EFHB: variants seen among roughly 807,000 people sequenced by gnomAD.
EFHB encodes the protein EF-hand domain family member B, also known as EF-hand domain-containing family member B.
A neutral mutation model predicts 87.2 loss-of-function variants in EFHB; 91 were observed. That is an observed-to-expected ratio of 1.04 (90% confidence interval 0.88 to 1.24). The LOEUF is 1.24. Ranked by LOEUF, EFHB falls within the 50% of genes most tolerant of loss-of-function variation. The pLI is 0.00. For missense variants in EFHB, 1,084 were observed against 998.8 expected (o/e 1.09, Z -1.15); for synonymous variants, 325 against 333.6 (o/e 0.97, Z 0.28).
chr3:19,924,214 C>G (rs1349248619), intron 1 of EFHB, among the ~76,000 whole-genome samples: 1 of 150,716 alleles, frequency 6.6e-6, no homozygotes, highest in Admixed American at 6.6e-5. Context: ...CTCTCTCTCT[C>G]TCTTTTTTTT....
At chr3:19,897,899 C>T (rs1694541581) in intron 8 of EFHB, among the ~76,000 whole-genome samples, 1 of 152,216 alleles carries the variant, frequency 6.6e-6, no homozygotes, top group African/African-American at 2.4e-5. Context: ...AATATTTATT[C>T]TACCTGTCAA....
intron 12 of EFHB, among the ~76,000 whole-genome samples, chr3:19,882,055 A>ATAATTAAATAAT (rs61166173): frequency 1.5e-3 from 217 of 140,194 alleles, no homozygotes; most frequent in Admixed American, 3.2e-3. Flanking sequence ...AAATAAATAA[A>ATAATTAAATAAT]TAAATAATTA....
In EFHB at chr3:19,910,388, TG is replaced by T. The variant is rs1481903931; in HGVS notation, c.1289-4640del. Among the ~76,000 whole-genome samples, 7 of 150,988 alleles carry T rather than the reference TG, an allele frequency of 4.6e-5. No homozygotes were observed. The East Asian group carries it at 1.4e-3, about 30-fold the overall frequency. ...TGTCTTTGGGAGGGGGAGGGAAGAG[TG>T]GGAAAGACTGTATCTTGTGGTTTGA... On this transcript the variant is annotated intron_variant, in intron 5 of 12. Transcript: ENST00000295824.
In EFHB at chr3:19,924,216, CT is replaced by C. The variant is rs1281280539; in HGVS notation, c.790-3650del. Among the ~76,000 whole-genome samples, 352 of 141,332 alleles carry C rather than the reference CT, an allele frequency of 2.5e-3. 2 individuals are homozygous for C. Among genetic ancestry groups the C allele is most frequent in the South Asian group, 5.2e-3 (23 of 4,454 alleles). The allele number at this position is 141,332 out of a possible 152,430, so 92.7% of individuals were successfully genotyped here. On this transcript the variant is annotated intron_variant, in intron 1 of 12. Coordinates refer to ENST00000295824, the MANE Select transcript of EFHB (RefSeq NM_144715.4). ...GAAGTTTTCTTTTCTCTCTCTCTCT[CT>C]TTTTTTTTTTTTTTGAGACAGAGTC...
At chr3:19,895,685 G>A (rs1317407235) in intron 9 of EFHB, among the ~76,000 whole-genome samples, 1 of 152,082 alleles carries the variant, frequency 6.6e-6, no homozygotes, top group Non-Finnish European at 1.5e-5. Context: ...AAAAAGGTGT[G>A]CATAATCAAT....
chr3:19,892,676 G>A (rs1251683457), intron 9 of EFHB, among the ~76,000 whole-genome samples: 2 of 152,078 alleles, frequency 1.3e-5, no homozygotes, highest in Admixed American at 1.3e-4. Context: ...ATAACCACTT[G>A]GTTGAGTATA....
rs898111938 is a variant in EFHB, at chr3:19,905,697, C to T, written c.1341G>A (p.Val447=). Residue 447 remains valine (V), a synonymous_variant, in exon 6 of 13, where the codon GTG becomes GTA. Coordinates refer to ENST00000295824, the MANE Select transcript of EFHB (RefSeq NM_144715.4). ...YNPSSFHRCS[V]YGVPTPHFND... is the part of the protein sequence containing the mutation. ...TAAAATGTGGTGTTGGTACTCCATA[C>T]ACACTACACCTATGGAAACTTGATG... The T allele has an allele frequency of 1.9e-6, 3 of 1,613,562 alleles. No homozygotes were observed. Among genetic ancestry groups the T allele is most frequent in the Non-Finnish European group, 2.5e-6 (3 of 1,179,584 alleles).
chr3:19,911,761 A>C (rs1207583673), intron 5 of EFHB, among the ~76,000 whole-genome samples: 1 of 151,956 alleles, frequency 6.6e-6, no homozygotes, highest in Admixed American at 6.6e-5. Flanking sequence ...AAAAATTTAA[A>C]GAATGAAGTA....
At chr3:19,935,990 CAGAGTG>C (rs1696005559), upstream of EFHB, 9 of 681,136 alleles carry the variant, frequency 1.3e-5, no homozygotes, top group Admixed American at 9.4e-5. Context: ...AGCCTGGCGA[CAGAGTG>C]AGACTCCATC....
At chr3:19,899,395 A>C in intron 7 of EFHB, 37 bp downstream of exon 7, 2 of 1,482,818 alleles carry the variant, frequency 1.3e-6, no homozygotes, top group East Asian at 4.7e-5. Context: ...AATTCTATGC[A>C]AAGAAACTAT....
chr3:19,931,300 G>C (rs3849533), intron 1 of EFHB, among the ~76,000 whole-genome samples: 1,704 of 152,224 alleles, frequency 0.011, 27 homozygotes, highest in African/African-American at 0.039. Flanking sequence ...TCTCTTTCTT[G>C]TCCTATCACA....
chr3:19,917,151 A>G (rs534127350), intron 4 of EFHB, among the ~76,000 whole-genome samples: 4 of 151,790 alleles, frequency 2.6e-5, no homozygotes, highest in Admixed American at 2.6e-4. Context: ...TGGGAGAATC[A>G]TTTGAGTCCA....
rs1695907302 is a variant in EFHB, at chr3:19,933,543, C to T, written c.476G>A (p.Gly159Glu). 4 of 1,613,990 alleles carry T rather than the reference C, an allele frequency of 2.5e-6. No homozygotes were observed. The highest frequency in any genetic ancestry group is 4.5e-5 in the East Asian group (2 of 44,882). Residue 159 changes from glycine to glutamate, a missense_variant, in exon 1 of 13, where the codon GGA becomes GAA. Gly to Glu is a moderately conservative substitution (Grantham distance 98). Transcript: ENST00000295824. ...SGPEGVEELV[G>E]KPAFVMEPRQ... ...TGGTTCCATAACGAAAGCAGGCTTTCCCACTAATTCCTCTACCCCTTCAGG... is the reference window on the plus strand; with the variant it reads ...TGGTTCCATAACGAAAGCAGGCTTTTCCACTAATTCCTCTACCCCTTCAGG...
chr3:19,920,506 C>T lies in EFHB; in HGVS notation c.851G>A (p.Arg284Lys), dbSNP rs759664055. Residue 284 changes from arginine to lysine, a missense_variant and splice_region_variant, in exon 2 of 13, where the codon AGG becomes AAG. By Grantham distance (26) the Arg-to-Lys change is conservative (BLOSUM62 2). Transcript: ENST00000295824. ...TAAAGGTATATTGAAAGTGCTCACC[C>T]TGGGAAGTTTTTCAGTCAAGCAGGT... Reference protein sequence around the residue: ...VATCLTEKLPRLITPPEAKKY... With the variant: ...VATCLTEKLPKLITPPEAKKY... The T allele has an allele frequency of 1.9e-6, 3 of 1,601,326 alleles. No homozygotes were observed. Among genetic ancestry groups the T allele is most frequent in the Non-Finnish European group, 2.6e-6 (3 of 1,175,460 alleles).
At position 19,918,270 on chromosome 3, in the gene EFHB, T is replaced by C. The variant is rs140954715; in HGVS notation, c.1139A>G (p.Asp380Gly). The C allele has an allele frequency of 4.3e-6, 7 of 1,613,122 alleles. No individual in the cohort carries two copies. The highest frequency in any genetic ancestry group is 1.1e-5 in the South Asian group (1 of 90,786). ...DQAPGLPKGM[D>G]TTNTTFGTAV... ...TGTCCCAAATGTCGTATTGGTTGTG[T>C]CCATGCCTTTTGGTAATCCTGGTGC... The change falls in exon 4 of 13, where the codon GAC (aspartate) becomes GGC (glycine). Residue 380 changes from aspartate (D) to glycine (G), a missense_variant. Transcript: ENST00000295824.
chr3:19,903,085 G>A (rs900083973), intron 6 of EFHB, among the ~76,000 whole-genome samples: 38 of 151,730 alleles, frequency 2.5e-4, no homozygotes, highest in African/African-American at 7.5e-4. Context: ...GCTGAGGCAC[G>A]AGAATTGCTT....
intron 1 of EFHB, among the ~76,000 whole-genome samples, chr3:19,926,585 G>A (rs981990552): frequency 2.6e-5 from 4 of 152,018 alleles, no homozygotes; most frequent in Non-Finnish European, 5.9e-5. Flanking sequence ...GGATGGTCTC[G>A]ATCTCCTGAC....
intron 1 of EFHB, among the ~76,000 whole-genome samples, chr3:19,923,484 C>T (rs1695510536): frequency 6.6e-6 from 1 of 152,154 alleles, no homozygotes; most frequent in Non-Finnish European, 1.5e-5. Flanking sequence ...ACCATCCTCC[C>T]ACCTCAGCCT....
At chr3:19,884,251 G>T in intron 11 of EFHB, 152 bp downstream of exon 11, 1 of 661,368 alleles carries the variant, frequency 1.5e-6, no homozygotes, top group Non-Finnish European at 2.5e-6. Flanking sequence ...TTATATGTGG[G>T]CCTCTCCTCC....
Sources: allele counts gnomAD v4.1 joint callset (sites outside exome capture counted in the v4.1 genomes callset), GRCh38; gene constraint gnomAD v4.1.1; transcripts MANE v1.5; gene names NCBI Gene and HGNC (gene_info 2026-07-23, HGNC 2026-07-21).